SAE1: variants seen among roughly 807,000 people sequenced by gnomAD.
The protein encoded by SAE1 is SUMO-activating enzyme subunit 1.
SAE1 carries 11 observed loss-of-function variants against 40.6 expected under a neutral mutation model. The observed-to-expected ratio is 0.27, with a 90% CI of 0.17 to 0.45. The LOEUF (loss-of-function observed/expected upper bound fraction) is 0.45. Among genes scored for constraint, SAE1 ranks in the 20% least tolerant of loss-of-function variants. The pLI is 1.00. For synonymous variants in SAE1, 155 were observed against 154.3 expected, an observed-to-expected ratio of 1.00 and a Z score of -0.03; for missense variants, 373 against 427.3, an observed-to-expected ratio of 0.87 and a Z score of 1.12.
rs376086221 is a variant in SAE1, at chr19:47,130,902, C to G, written c.-29C>G. The G allele has an allele frequency of 3.2e-6, 5 of 1,548,210 alleles. No homozygotes were observed. The East Asian group carries it at 9.8e-5, about 30-fold the overall frequency. On this transcript the variant is annotated 5_prime_UTR_variant, in exon 1 of 9. Coordinates refer to ENST00000270225, the MANE Select transcript of SAE1 (RefSeq NM_005500.3). ...CGGCGGGCGGTTGGCTTGAGCGGGA[C>G]CGGAGCTGAGGCAGGAAGAGCCGGC... is the stretch of plus-strand genomic sequence containing the variant.
chr19:47,160,386 TA>T (rs1466273196), intron 5 of SAE1, among the ~76,000 whole-genome samples: 10 of 132,680 alleles, frequency 7.5e-5, no homozygotes, highest in East Asian at 2.1e-4. Context: ...CACGCCCAGC[TA>T]ATTTTTTTTT....
chr19:47,202,581 C>T (rs1197940803), intron 7 of SAE1, among the ~76,000 whole-genome samples: 4 of 151,760 alleles, frequency 2.6e-5, no homozygotes, highest in Admixed American at 6.6e-5. Flanking sequence ...CCACTGAGCC[C>T]GCCCTAATTA....
chr19:47,188,295 G>C (rs1264697428), intron 6 of SAE1, among the ~76,000 whole-genome samples: 4 of 151,922 alleles, frequency 2.6e-5, no homozygotes, highest in Non-Finnish European at 5.9e-5. Flanking sequence ...AGGCAGCAAT[G>C]AGCTGAGATT....
intron 6 of SAE1, among the ~76,000 whole-genome samples, chr19:47,181,831 A>G (rs1352853747): frequency 1.5e-5 from 2 of 134,848 alleles, no homozygotes; most frequent in African/African-American, 2.8e-5. Flanking sequence ...TTTTTTTAAG[A>G]CAGAGTCTTG....
chr19:47,196,333 CTTTTTTTTTTTTTTT>C lies in SAE1; in HGVS notation c.734-880_734-866del, dbSNP rs61498882. Among the ~76,000 whole-genome samples, 5 of 27,882 alleles carry C rather than the reference CTTTTTTTTTTTTTTT, an allele frequency of 1.8e-4. No homozygotes were observed. In the Admixed American group the frequency reaches 2.1e-3, roughly 12 times the overall value. 18.3% of individuals were successfully genotyped at this position (27,882 alleles called of 152,430 possible). ...TACAGGCGTGAGCCACCGCGCCTGGCTTTTTTTTTTTTTTTTTTTTTTTTTTTTTTTTTTAATTTT... is the reference window on the plus strand; with the variant it reads ...TACAGGCGTGAGCCACCGCGCCTGGCTTTTTTTTTTTTTTTTTTTAATTTT... On this transcript the variant is annotated intron_variant, in intron 6 of 8. Coordinates refer to ENST00000270225, the MANE Select transcript of SAE1 (RefSeq NM_005500.3).
intron 1 of SAE1, among the ~76,000 whole-genome samples, chr19:47,136,579 C>T (rs957726536): frequency 1.4e-5 from 2 of 144,174 alleles, no homozygotes; most frequent in East Asian, 4.2e-4. Context: ...CACCGCAACC[C>T]TTGCCTCCCA....
intron 6 of SAE1, among the ~76,000 whole-genome samples, chr19:47,171,542 C>A (rs1046664397): frequency 6.6e-6 from 1 of 152,148 alleles, no homozygotes; most frequent in Admixed American, 6.6e-5. Flanking sequence ...ACCTCCACCT[C>A]CCAGGTTCAA....
intron 6 of SAE1, among the ~76,000 whole-genome samples, chr19:47,176,798 A>C (rs1216175960): frequency 6.6e-6 from 1 of 152,228 alleles, no homozygotes; most frequent in Non-Finnish European, 1.5e-5. Context: ...CACTGTCTTG[A>C]GAGTTGGCCT....
At chr19:47,185,782 A>G (rs994952189) in intron 6 of SAE1, among the ~76,000 whole-genome samples, 1 of 150,892 alleles carries the variant, frequency 6.6e-6, no homozygotes, top group Non-Finnish European at 1.5e-5. Flanking sequence ...TTGTATTTTT[A>G]GTAGAGACAG....
chr19:47,202,679 C>A (rs746546255), intron 7 of SAE1, among the ~76,000 whole-genome samples: 5 of 150,134 alleles, frequency 3.3e-5, no homozygotes, highest in Non-Finnish European at 5.9e-5. Flanking sequence ...TTTGGGAGGC[C>A]GAGGCGGGCG....
chr19:47,169,798 G>A lies in SAE1; in HGVS notation c.628-20G>A, dbSNP rs1352885464. 6.5e-7 allele frequency: 1 copy of A among 1,542,670 alleles called. No individual in the cohort carries two copies. The highest frequency in any genetic ancestry group is 1.1e-5 in the South Asian group (1 of 89,580). On this transcript the variant is annotated intron_variant, in intron 5 of 8. Transcript: ENST00000270225. The stretch of plus-strand genomic sequence containing the variant: ...AGCCAGCATATGTTATTCCTAAGCA[G>A]TTCTGCCTTTTTTCCACAGAAGGTG...
At chr19:47,150,835 A>G (rs117606416) in intron 3 of SAE1, among the ~76,000 whole-genome samples, 2 of 152,294 alleles carry the variant, frequency 1.3e-5, no homozygotes, top group East Asian at 1.9e-4. Context: ...ATCTTGATCT[A>G]TGTCTGTCTG....
At chr19:47,161,235 T>C (rs554518067) in intron 5 of SAE1, among the ~76,000 whole-genome samples, 2 of 149,762 alleles carry the variant, frequency 1.3e-5, no homozygotes, top group South Asian at 2.1e-4. Flanking sequence ...GATCTCAAAC[T>C]CCTGGCCTCA....
intron 4 of SAE1, 41 bp downstream of exon 4, chr19:47,153,081 CT>C: frequency 6.7e-7 from 1 of 1,498,794 alleles, no homozygotes; most frequent in Non-Finnish European, 9.0e-7. Flanking sequence ...ACATTTTCTC[CT>C]TTTTATACTT....
At chr19:47,176,868 CA>C (rs2123268400) in intron 6 of SAE1, among the ~76,000 whole-genome samples, 1 of 152,296 alleles carries the variant, frequency 6.6e-6, no homozygotes, top group South Asian at 2.1e-4. Context: ...TGTTGCAAAA[CA>C]GTAAGCGTGA....
intron 7 of SAE1, among the ~76,000 whole-genome samples, chr19:47,199,848 G>A (rs566644794): frequency 6.6e-6 from 1 of 152,036 alleles, no homozygotes; most frequent in East Asian, 1.9e-4. Context: ...TGAGATCCAA[G>A]CCTGTACAGT....
chr19:47,131,235 C>A (rs559503171), intron 1 of SAE1: 16 of 1,280,438 alleles, frequency 1.2e-5, no homozygotes, highest in Admixed American at 3.7e-5. Flanking sequence ...AGGGCCGTTC[C>A]GAAGGATGGG....
At chr19:47,139,936 CTTTT>C (rs34575308) in intron 1 of SAE1, among the ~76,000 whole-genome samples, 1 of 111,572 alleles carries the variant, frequency 9.0e-6, no homozygotes, top group African/African-American at 3.6e-5. Flanking sequence ...TTGGGTATTT[CTTTT>C]TTTTTTTTTT....
intron 6 of SAE1, among the ~76,000 whole-genome samples, chr19:47,190,020 C>T (rs960969517): frequency 4.6e-5 from 7 of 152,164 alleles, no homozygotes; most frequent in Non-Finnish European, 7.3e-5. Flanking sequence ...CTATAAATAA[C>T]GTGAAACCGT....
Sources: gnomAD v4.1 joint callset for allele counts (sites outside exome capture counted in the v4.1 genomes callset) on GRCh38, gnomAD v4.1.1 for gene constraint, MANE v1.5 for transcripts, NCBI Gene and HGNC (gene_info 2026-07-23, HGNC 2026-07-21) for gene names.